The following ZBTB38 variants were observed in gnomAD, a reference collection of about 807,000 sequenced individuals.
The protein encoded by ZBTB38 is zinc finger and BTB domain-containing protein 38.
In ZBTB38, 20 loss-of-function variants were observed where a neutral mutation model predicts 76.8. The ratio of observed to expected loss-of-function variants is 0.26; its 90% confidence interval spans 0.18 to 0.38. ZBTB38 has a LOEUF of 0.38. Ranked by LOEUF, ZBTB38 falls within the 10% of genes least tolerant of loss-of-function variation. ZBTB38 has a pLI of 1.00. For missense variants in ZBTB38, 1,082 were observed against 1,482.3 expected (o/e 0.73, Z 4.43); for synonymous variants, 504 against 544.2 (o/e 0.93, Z 1.03).
chr3:141,336,025 T>C (rs1423190124), intron 1 of ZBTB38, among the ~76,000 whole-genome samples: 1 of 152,176 alleles, frequency 6.6e-6, no homozygotes. Context: ...TTTCTCTCTC[T>C]TACTACTGTG....
Position 141,438,689 on chromosome 3 carries a change from G to A in ZBTB38, c.1-3700G>A, listed in dbSNP as rs147611193. 1.7e-3 allele frequency among the ~76,000 whole-genome samples: 254 copies of A among 152,214 alleles called. 8 individuals are homozygous for A. In the South Asian group the frequency reaches 0.023, roughly 14 times the overall value. On this transcript the variant is annotated intron_variant, in intron 5 of 5. Transcript: ENST00000321464. ...AGCCTTTCAGCATACTGCAGGCTGCGTGATTTTTTTTTAAAAAAGCTCAAA... is the reference window on the plus strand; with the variant it reads ...AGCCTTTCAGCATACTGCAGGCTGCATGATTTTTTTTTAAAAAAGCTCAAA...
intron 5 of ZBTB38, chr3:141,432,382 G>A (rs981447731): frequency 5.8e-6 from 4 of 693,208 alleles, no homozygotes; most frequent in Admixed American, 6.3e-5. Context: ...TAGGAGCTGC[G>A]TGGCCAAGGG....
chr3:141,398,623 G>C (rs182364370), intron 4 of ZBTB38, among the ~76,000 whole-genome samples: 4 of 151,764 alleles, frequency 2.6e-5, no homozygotes, highest in Non-Finnish European at 5.9e-5. Context: ...AGGCAATCTT[G>C]TTTCATGTAA....
intron 5 of ZBTB38, among the ~76,000 whole-genome samples, chr3:141,412,913 C>T (rs1269716235): frequency 2.0e-5 from 3 of 152,128 alleles, no homozygotes; most frequent in Non-Finnish European, 2.9e-5. Flanking sequence ...TACCTCAGAC[C>T]TACTGGTGGG....
chr3:141,339,697 G>C lies in ZBTB38; in HGVS notation c.-739+15241G>C, dbSNP rs374181966. Among the ~76,000 whole-genome samples, 363 of 152,326 alleles carry C rather than the reference G, an allele frequency of 2.4e-3. 4 individuals are homozygous for C. Among genetic ancestry groups the C allele is most frequent in the African/African-American group, 8.2e-3 (339 of 41,574 alleles). ...TGGTGCCATTTACTGAAATTAGAAA[G>C]CCTGGCGTGGAGTGGCGAGTGGGGA... On this transcript the variant is annotated intron_variant, in intron 1 of 7. Transcript: ENST00000509842.
chr3:141,426,046 TC>T, intron 5 of ZBTB38: 1 of 946,432 alleles, frequency 1.1e-6, no homozygotes. Context: ...GGTGACTTCC[TC>T]CTGTCAAATG....
At chr3:141,391,513 C>T (rs1164932302) in intron 4 of ZBTB38, among the ~76,000 whole-genome samples, 1 of 152,196 alleles carries the variant, frequency 6.6e-6, no homozygotes, top group Non-Finnish European at 1.5e-5. Context: ...GAGTCTGGTA[C>T]TCATGGGGTC....
chr3:141,408,574 AT>A (rs928094632), intron 5 of ZBTB38, among the ~76,000 whole-genome samples: 4 of 152,056 alleles, frequency 2.6e-5, no homozygotes, highest in African/African-American at 7.2e-5. Context: ...AGAATGTATC[AT>A]TTTTTTCTTC....
Position 141,444,431 on chromosome 3 carries a change from T to G in ZBTB38, c.2043T>G (p.Ala681=), listed in dbSNP as rs2080811851. Residue 681 remains alanine, a synonymous_variant, in exon 6 of 6, where the codon GCT becomes GCG. Transcript: ENST00000321464. The surrounding 1 kb of genome is among the most constrained non-coding windows in gnomAD (Gnocchi z 5.1). ...TEVSVSSTEN[A]VSSDLRAGDV... The stretch of plus-strand genomic sequence containing the variant: ...TGTCAGTTTCTTCCACTGAAAATGC[T>G]GTCAGTTCTGACCTCCGGGCAGGGG... 1 of 1,614,064 alleles carries G rather than the reference T, an allele frequency of 6.2e-7. No individual in the cohort carries two copies. The highest frequency in any genetic ancestry group is 1.3e-5 in the African/African-American group (1 of 75,070).
At chr3:141,340,383 T>A (rs1943137627) in intron 1 of ZBTB38, among the ~76,000 whole-genome samples, 1 of 152,200 alleles carries the variant, frequency 6.6e-6, no homozygotes, top group Non-Finnish European at 1.5e-5. Context: ...TCAATTGAAT[T>A]CAATAACTAA....
chr3:141,340,976 A>AAGAAAGAG (rs1943176149), intron 1 of ZBTB38, among the ~76,000 whole-genome samples: 1 of 147,414 alleles, frequency 6.8e-6, no homozygotes, highest in African/African-American at 2.6e-5. Flanking sequence ...GAAAGAAAGA[A>AAGAAAGAG]AGAAAGAAAG....
chr3:141,345,292 G>T (rs1352878373), intron 1 of ZBTB38, among the ~76,000 whole-genome samples: 2 of 151,948 alleles, frequency 1.3e-5, no homozygotes, highest in African/African-American at 4.8e-5. Context: ...AATGGCTTTG[G>T]GAGGGTTGGT....
chr3:141,339,140 G>T (rs1390265468), intron 1 of ZBTB38, among the ~76,000 whole-genome samples: 1 of 152,118 alleles, frequency 6.6e-6, no homozygotes, highest in African/African-American at 2.4e-5. Context: ...AGATCAGTAG[G>T]TGCAAAGGCT....
chr3:141,444,552 C>A lies in ZBTB38; in HGVS notation c.2164C>A (p.Gln722Lys). ...ACCCTCGGTCATTGTACACAGCAGCCAGTTTTCATCGGTGATCATGCACAG... is the reference window on the plus strand; with the variant it reads ...ACCCTCGGTCATTGTACACAGCAGCAAGTTTTCATCGGTGATCATGCACAG... ...SAPSVIVHSS[Q>K]FSSVIMHSNA... The change falls in exon 6 of 6, where the codon CAG becomes AAG. Residue 722 changes from glutamine (Q) to lysine (K), a missense_variant. By Grantham distance (53) the Gln-to-Lys change is moderately conservative. Coordinates refer to ENST00000321464, the MANE Select transcript of ZBTB38 (RefSeq NM_001376113.1). The surrounding 1 kb of genome is among the most constrained non-coding windows in gnomAD (Gnocchi z 5.1). The A allele has an allele frequency of 6.2e-7, 1 of 1,614,164 alleles. No individual in the cohort carries two copies. The highest frequency in any genetic ancestry group is 8.5e-7 in the Non-Finnish European group (1 of 1,180,036).
At chr3:141,325,358 A>G (rs1385994699) in intron 1 of ZBTB38, among the ~76,000 whole-genome samples, 1 of 152,222 alleles carries the variant, frequency 6.6e-6, no homozygotes, top group Non-Finnish European at 1.5e-5. Flanking sequence ...TTTATTTGAG[A>G]TCATACATTG....
At chr3:141,347,601 G>T (rs560661731) in intron 1 of ZBTB38, among the ~76,000 whole-genome samples, 3 of 152,326 alleles carry the variant, frequency 2.0e-5, no homozygotes, top group Admixed American at 2.0e-4. Flanking sequence ...TTCTCTGGCT[G>T]CCAGGTCACC....
chr3:141,443,749 T>G lies in ZBTB38; in HGVS notation c.1361T>G (p.Val454Gly), dbSNP rs760242685. 54 of 1,613,824 alleles carry G rather than the reference T, an allele frequency of 3.3e-5. No homozygotes were observed. The highest frequency in any genetic ancestry group is 4.4e-5 in the Non-Finnish European group (52 of 1,180,050). Residue 454 changes from valine (V) to glycine (G), a missense_variant, in exon 6 of 6, where the codon GTT becomes GGT. Val to Gly is a moderately radical substitution (Grantham distance 109). Coordinates refer to ENST00000321464, the MANE Select transcript of ZBTB38 (RefSeq NM_001376113.1). The surrounding 1 kb of genome is among the most constrained non-coding windows in gnomAD (Gnocchi z 5.6). ...GACACGGACCACATGGTTAAATTTG[T>G]TAATGGGCAAATGCTCTACAGTTGC... is the stretch of plus-strand genomic sequence containing the variant. Reference protein sequence around the residue: ...LPDTDHMVKFVNGQMLYSCVV... With the variant: ...LPDTDHMVKFGNGQMLYSCVV...
intron 1 of ZBTB38, among the ~76,000 whole-genome samples, chr3:141,355,323 T>A (rs906722445): frequency 6.6e-6 from 1 of 152,140 alleles, no homozygotes; most frequent in African/African-American, 2.4e-5. Context: ...AATAGTCTAA[T>A]ATCCTGATTA....
chr3:141,392,020 A>G (rs1949022868), intron 4 of ZBTB38, among the ~76,000 whole-genome samples: 1 of 152,238 alleles, frequency 6.6e-6, no homozygotes, highest in Admixed American at 6.5e-5. Flanking sequence ...GACAAAGGTC[A>G]GGGAACAAAG....
Sources: gnomAD v4.1 joint callset for allele counts (sites outside exome capture counted in the v4.1 genomes callset) on GRCh38, gnomAD v4.1.1 for gene constraint, Gnocchi (gnomAD v3.1) non-coding constraint, MANE v1.5 for transcripts, NCBI Gene and HGNC (gene_info 2026-07-23, HGNC 2026-07-21) for gene names.